ZC3H4: variants seen among roughly 807,000 people sequenced by gnomAD.
The protein encoded by ZC3H4 is zinc finger CCCH-type containing 4.
Under a neutral mutation model 108.3 loss-of-function variants are expected in ZC3H4, and 13 were observed. The ratio of observed to expected loss-of-function variants is 0.12; its 90% CI spans 0.08 to 0.19. ZC3H4 has a LOEUF of 0.19. Among genes scored for constraint, ZC3H4 ranks in the 10% least tolerant of loss-of-function variants. ZC3H4 has a pLI of 1.00. For missense variants in ZC3H4, 1,734 were observed against 1,838.8 expected (o/e 0.94, Z 1.04); for synonymous variants, 917 against 749.6 (o/e 1.22, Z -3.65).
At chr19:47,093,750 T>C in intron 4 of ZC3H4, 1 of 452,106 alleles carries the variant, frequency 2.2e-6, no homozygotes, top group South Asian at 3.8e-5. Flanking sequence ...CCTGGTTAAT[T>C]TTTTTATTTT....
chr19:47,070,137 G>C (rs150399868), intron 13 of ZC3H4, among the ~76,000 whole-genome samples: 2 of 152,010 alleles, frequency 1.3e-5, no homozygotes, highest in Admixed American at 6.5e-5. Flanking sequence ...GAAACGGAGG[G>C]GGGGGCGTCT....
At chr19:47,088,405 G>A (rs1042625350) in intron 5 of ZC3H4, among the ~76,000 whole-genome samples, 5 of 151,702 alleles carry the variant, frequency 3.3e-5, no homozygotes, top group Non-Finnish European at 5.9e-5. Flanking sequence ...AAAAAAAGCC[G>A]GGCATGGTGG....
At position 47,069,123 on chromosome 19, in the gene ZC3H4, C is replaced by T; in HGVS notation, c.2367G>A (p.Glu789=). Residue 789 remains glutamate, a synonymous_variant, in exon 14 of 15, where the codon GAG becomes GAA. Coordinates refer to ENST00000253048, the MANE Select transcript of ZC3H4 (RefSeq NM_015168.2). ...CATTCTCCCGGTCCTGCTTGCTGCT[C>T]TCAGCCAGCCTCCTCGCTCTCTCCT... The part of the protein sequence containing the change: ...EEEERARRLA[E]SSKQDRENEE... The T allele has an allele frequency of 6.2e-7, 1 of 1,604,976 alleles. No individual in the cohort carries two copies. The highest frequency in any genetic ancestry group is 8.5e-7 in the Non-Finnish European group (1 of 1,179,926).
intron 2 of ZC3H4, among the ~76,000 whole-genome samples, chr19:47,102,953 A>G (rs772304383): frequency 5.9e-5 from 9 of 152,158 alleles, no homozygotes; most frequent in Admixed American, 1.3e-4. Flanking sequence ...GTAAAGCTTC[A>G]AACAGGCTGA....
intron 4 of ZC3H4, among the ~76,000 whole-genome samples, chr19:47,090,775 G>A (rs928492842): frequency 3.9e-5 from 6 of 152,146 alleles, no homozygotes; most frequent in African/African-American, 1.4e-4. Context: ...GTGTGTATTG[G>A]GCAAAACCCA....
At chr19:47,071,729 C>CT (rs754260955) in intron 13 of ZC3H4, 49 bp downstream of exon 13, 2 of 1,531,038 alleles carry the variant, frequency 1.3e-6, no homozygotes, top group East Asian at 4.5e-5. Context: ...CTCTGCTCCA[C>CT]TGGGTAAAGC....
chr19:47,072,603 C>T lies in ZC3H4; in HGVS notation c.1551G>A (p.Leu517=), dbSNP rs2057351546. ...LPKPPPGVGL[L]PTPPRPPGPQ... ...GGCCAGGGGGCCGAGGAGGGGTGGG[C>T]AGGAGGCCCACACCAGGGGGCGGTT... is the stretch of plus-strand genomic sequence containing the variant. Residue 517 remains leucine, a synonymous_variant, in exon 12 of 15, where the codon CTG becomes CTA. Transcript: ENST00000253048. This position sits in a 1 kb window ranked among gnomAD's most constrained non-coding sequence, Gnocchi z 5.6. 1.2e-6 allele frequency: 2 copies of T among 1,606,516 alleles called. No individual in the cohort carries two copies.
Position 47,066,203 on chromosome 19 carries a change from T to TAAA in ZC3H4, c.*150_*152dup. On this transcript the variant is annotated 3_prime_UTR_variant, in exon 15 of 15. Transcript: ENST00000253048. ...ACAAATCTCAAAGAAAGTACTACTT[T>TAAA]AAAAAAAAATAAAAGAGACGGAAAG... The TAAA allele has an allele frequency of 1.7e-6, 1 of 583,508 alleles. No individual in the cohort carries two copies. The highest frequency in any genetic ancestry group is 2.8e-6 in the Non-Finnish European group (1 of 362,098). 36.1% of individuals were successfully genotyped at this position (583,508 alleles called of 1,614,324 possible). A position where few individuals can be genotyped will look rare whatever the true frequency, so the allele number is the denominator to read the frequency against.
intron 2 of ZC3H4, chr19:47,096,782 C>G: frequency 1.0e-6 from 1 of 985,150 alleles, no homozygotes; most frequent in Non-Finnish European, 1.2e-6. Flanking sequence ...AATGCCATAT[C>G]TGTGCCAGGT....
chr19:47,103,329 G>T (rs1215332230), intron 2 of ZC3H4, among the ~76,000 whole-genome samples: 1 of 151,996 alleles, frequency 6.6e-6, no homozygotes, highest in Non-Finnish European at 1.5e-5. Context: ...TCTACACAGG[G>T]TCTTGCTCTG....
chr19:47,074,046 G>A (rs962191069), intron 11 of ZC3H4, among the ~76,000 whole-genome samples: 4 of 152,182 alleles, frequency 2.6e-5, no homozygotes, highest in Middle Eastern at 3.4e-3. Context: ...TTCCTCCCAC[G>A]ATCCCGACTC....
chr19:47,071,147 T>C (rs1010657582), intron 13 of ZC3H4, among the ~76,000 whole-genome samples: 2 of 152,156 alleles, frequency 1.3e-5, no homozygotes, highest in Non-Finnish European at 2.9e-5. Flanking sequence ...GAATGGCCAA[T>C]GCTGAAAGGA....
At chr19:47,100,675 T>C (rs979669545) in intron 2 of ZC3H4, among the ~76,000 whole-genome samples, 1 of 151,934 alleles carries the variant, frequency 6.6e-6, no homozygotes, top group Non-Finnish European at 1.5e-5. Context: ...AAATGAGTTT[T>C]GTAGAAAGGT....
intron 8 of ZC3H4, among the ~76,000 whole-genome samples, 153 bp from the exon 9 acceptor site, chr19:47,084,608 C>T (rs1011067293): frequency 6.6e-5 from 10 of 152,186 alleles, no homozygotes; most frequent in East Asian, 1.9e-4. Context: ...ACGGAGGCTG[C>T]GTGCACCTTA....
At chr19:47,111,452 G>C (rs2058038058) in intron 2 of ZC3H4, among the ~76,000 whole-genome samples, 1 of 152,174 alleles carries the variant, frequency 6.6e-6, no homozygotes, top group East Asian at 1.9e-4. Flanking sequence ...GGAAGAGACG[G>C]TGCCCCATTT....
At chr19:47,076,859 G>A (rs1474035311) in intron 11 of ZC3H4, among the ~76,000 whole-genome samples, 1 of 151,908 alleles carries the variant, frequency 6.6e-6, no homozygotes, top group Admixed American at 6.6e-5. Flanking sequence ...CGGGCGTGGT[G>A]GCACACACCT....
chr19:47,082,304 G>A lies in ZC3H4; in HGVS notation c.1219-9C>T. 6 of 1,600,880 alleles carry A rather than the reference G, an allele frequency of 3.7e-6. 1 individual carries two copies. The African/African-American group carries it at 5.3e-5, about 14-fold the overall frequency. On this transcript the variant is annotated splice_polypyrimidine_tract_variant and intron_variant, in intron 9 of 14. Transcript: ENST00000253048. ...AAATTACAGTGGTCTCCCTAGAAGAGAAGCAACAAAAACATAAGGTGGTGG... is the reference window on the plus strand; with the variant it reads ...AAATTACAGTGGTCTCCCTAGAAGAAAAGCAACAAAAACATAAGGTGGTGG...
intron 9 of ZC3H4, 131 bp downstream of exon 9, chr19:47,084,214 A>T: frequency 1.2e-6 from 1 of 812,206 alleles, no homozygotes. Flanking sequence ...AGTATCGGCA[A>T]GTGTCCACAA....
chr19:47,098,757 C>T (rs142319532), intron 2 of ZC3H4, among the ~76,000 whole-genome samples: 1 of 152,244 alleles, frequency 6.6e-6, no homozygotes, highest in East Asian at 1.9e-4. Context: ...GAGCTAGAGA[C>T]TCGGTTTCAA....
Sources: gnomAD v4.1 joint callset for allele counts (sites outside exome capture counted in the v4.1 genomes callset) on GRCh38, gnomAD v4.1.1 for gene constraint, Gnocchi (gnomAD v3.1) non-coding constraint, MANE v1.5 for transcripts, NCBI Gene and HGNC (gene_info 2026-07-23, HGNC 2026-07-21) for gene names.